The following GALNT1 variants were observed in gnomAD, a reference collection of about 807,000 sequenced individuals.
The protein encoded by GALNT1 is polypeptide N-acetylgalactosaminyltransferase 1.
Under a neutral mutation model 65.7 loss-of-function variants are expected in GALNT1, and 17 were observed. The observed-to-expected ratio is 0.26, with a 90% confidence interval of 0.18 to 0.39. GALNT1 has a LOEUF of 0.39. Among genes scored for constraint, GALNT1 ranks in the 10% least tolerant of loss-of-function variants. The probability of loss-of-function intolerance (pLI) is 1.00; values close to 1 mark genes in which losing one functional copy is unlikely to be tolerated. For missense variants in GALNT1, 460 were observed against 672.8 expected, an observed-to-expected ratio of 0.68 and a Z score of 3.50; for synonymous variants, 210 against 219.7, an observed-to-expected ratio of 0.96 and a Z score of 0.39.
intron 7 of GALNT1, among the ~76,000 whole-genome samples, chr18:35,690,672 A>G (rs532233965): frequency 6.6e-6 from 1 of 152,278 alleles, no homozygotes; most frequent in East Asian, 1.9e-4. Context: ...AAATTAGAGA[A>G]ATGTTTCTCT....
chr18:35,652,780 T>A (rs1295123217), intron 1 of GALNT1, among the ~76,000 whole-genome samples: 2 of 152,218 alleles, frequency 1.3e-5, no homozygotes, highest in Admixed American at 1.3e-4. Context: ...TTCACTGCAC[T>A]TCACCTTCAA....
At chr18:35,612,153 T>C (rs181147056) in intron 1 of GALNT1, among the ~76,000 whole-genome samples, 11 of 152,344 alleles carry the variant, frequency 7.2e-5, no homozygotes, top group Non-Finnish European at 5.9e-5. Flanking sequence ...AAAATAATTA[T>C]AAGGCTGCAA....
At chr18:35,610,371 T>C (rs1049829689) in intron 1 of GALNT1, among the ~76,000 whole-genome samples, 1 of 152,172 alleles carries the variant, frequency 6.6e-6, no homozygotes, top group African/African-American at 2.4e-5. Flanking sequence ...ACAAGCCAAC[T>C]CCTCTTTTTG....
At chr18:35,620,738 A>ATAG (rs374334145) in intron 1 of GALNT1, among the ~76,000 whole-genome samples, 2 of 151,372 alleles carry the variant, frequency 1.3e-5, no homozygotes, top group African/African-American at 4.9e-5. Context: ...TTCCTGCTAT[A>ATAG]TAGTAGTCTA....
intron 6 of GALNT1, 132 bp downstream of exon 6, chr18:35,687,318 C>A (rs2144633719): frequency 1.4e-6 from 1 of 703,182 alleles, no homozygotes; most frequent in Non-Finnish European, 2.2e-6. Context: ...TAGTTAACAG[C>A]CATCTTTCAC....
chr18:35,612,063 T>C (rs999421873), intron 1 of GALNT1, among the ~76,000 whole-genome samples: 4 of 152,188 alleles, frequency 2.6e-5, no homozygotes, highest in Admixed American at 6.5e-5. Context: ...TATCACAGTG[T>C]TTATATAAAA....
At chr18:35,703,983 A>C (rs2048211188) in intron 11 of GALNT1, among the ~76,000 whole-genome samples, 1 of 152,216 alleles carries the variant, frequency 6.6e-6, no homozygotes, top group African/African-American at 2.4e-5. Context: ...TAAACACTTC[A>C]GTGAAAGATA....
intron 9 of GALNT1, among the ~76,000 whole-genome samples, chr18:35,695,865 T>C (rs2048047410): frequency 6.6e-6 from 1 of 152,146 alleles, no homozygotes; most frequent in Non-Finnish European, 1.5e-5. Context: ...ACTCTGCAGC[T>C]TGTCTTTAGA....
intron 1 of GALNT1, among the ~76,000 whole-genome samples, chr18:35,639,581 T>A (rs1284451348): frequency 6.6e-6 from 1 of 152,176 alleles, no homozygotes; most frequent in Non-Finnish European, 1.5e-5. Flanking sequence ...TTCATTTTTT[T>A]AAAGAACAAC....
At chr18:35,662,181 T>C (rs952106683) in intron 2 of GALNT1, among the ~76,000 whole-genome samples, 7 of 152,214 alleles carry the variant, frequency 4.6e-5, no homozygotes, top group Non-Finnish European at 1.0e-4. Flanking sequence ...TTTACTACAC[T>C]TGTTGATGAT....
intron 1 of GALNT1, among the ~76,000 whole-genome samples, chr18:35,582,756 G>A (rs1014374836): frequency 6.6e-6 from 1 of 152,222 alleles, no homozygotes; most frequent in African/African-American, 2.4e-5. Context: ...AATAGTGAAG[G>A]CCCTAAGAAG....
chr18:35,689,244 C>T lies in GALNT1; in HGVS notation c.932C>T (p.Ala311Val). The T allele has an allele frequency of 6.2e-7, 1 of 1,611,690 alleles. No individual in the cohort carries two copies. The highest frequency in any genetic ancestry group is 8.5e-7 in the Non-Finnish European group (1 of 1,179,030). The change falls in exon 7 of 12, where the codon GCT becomes GTT. Residue 311 changes from alanine (A) to valine (V), a missense_variant. Ala to Val is a moderately conservative substitution (Grantham distance 64, BLOSUM62 0). Coordinates refer to ENST00000269195, the MANE Select transcript of GALNT1 (RefSeq NM_020474.4). ...TTTCAGGAAATTGGAACATATGATGCTGGAATGGATATTTGGGGAGGAGAA... is the reference window on the plus strand; with the variant it reads ...TTTCAGGAAATTGGAACATATGATGTTGGAATGGATATTTGGGGAGGAGAA... Reference protein sequence around the residue: ...DYFQEIGTYDAGMDIWGGENL... With the variant: ...DYFQEIGTYDVGMDIWGGENL...
intron 3 of GALNT1, 109 bp downstream of exon 3, chr18:35,663,911 A>G (rs915817880): frequency 1.8e-5 from 17 of 930,468 alleles, no homozygotes; most frequent in African/African-American, 6.7e-5. Flanking sequence ...TTATATCACT[A>G]TGTTACTACT....
intron 9 of GALNT1, among the ~76,000 whole-genome samples, chr18:35,695,936 C>T (rs2144695028): frequency 6.6e-6 from 1 of 152,146 alleles, no homozygotes; most frequent in African/African-American, 2.4e-5. Context: ...CAATTTTGGA[C>T]AATGCCTAGG....
intron 1 of GALNT1, among the ~76,000 whole-genome samples, chr18:35,595,595 A>G (rs1460622632): frequency 6.6e-6 from 1 of 152,218 alleles, no homozygotes; most frequent in East Asian, 1.9e-4. Context: ...TTGTGAATTT[A>G]GGGATGCTCT....
intron 1 of GALNT1, among the ~76,000 whole-genome samples, chr18:35,618,696 T>G (rs1169026488): frequency 1.3e-5 from 2 of 152,212 alleles, no homozygotes; most frequent in Non-Finnish European, 2.9e-5. Flanking sequence ...CCTATTACAT[T>G]GTTAAGTAAA....
At chr18:35,694,363 G>C (rs1349134843) in intron 9 of GALNT1, among the ~76,000 whole-genome samples, 1 of 152,088 alleles carries the variant, frequency 6.6e-6, no homozygotes, top group Admixed American at 6.6e-5. Context: ...ATTTAAAGAT[G>C]CAAAAGAAAG....
rs535610869 is a variant in GALNT1 at position 35,670,958 on chromosome 18, A to G, written c.315-6633A>G. ...ACTGCATCTTTACCTCACATCATAC[A>G]GAAAAATCAATTTTATATGTATTAC... is the stretch of plus-strand genomic sequence containing the variant. On this transcript the variant is annotated intron_variant, in intron 3 of 11. Coordinates refer to ENST00000269195, the MANE Select transcript of GALNT1 (RefSeq NM_020474.4). Among the ~76,000 whole-genome samples the G allele has an allele frequency of 3.3e-5, 5 of 152,318 alleles. No homozygotes were observed. In the East Asian group the frequency reaches 9.6e-4, roughly 29 times the overall value.
intron 1 of GALNT1, among the ~76,000 whole-genome samples, chr18:35,637,465 A>C (rs763780859): frequency 3.9e-5 from 6 of 152,156 alleles, no homozygotes; most frequent in Non-Finnish European, 7.4e-5. Flanking sequence ...ACCAACCACA[A>C]CGTTCCCTTA....
Sources: allele counts gnomAD v4.1 joint callset (sites outside exome capture counted in the v4.1 genomes callset), GRCh38; gene constraint gnomAD v4.1.1; transcripts MANE v1.5; gene names NCBI Gene and HGNC (gene_info 2026-07-23, HGNC 2026-07-21).